BICRAL: variants seen among roughly 807,000 people sequenced by gnomAD.
BICRAL encodes BRD4-interacting chromatin-remodeling complex-associated protein-like.
BICRAL carries 8 observed loss-of-function variants against 91.8 expected under a neutral mutation model. The ratio of observed to expected loss-of-function variants is 0.09; its 90% CI spans 0.05 to 0.16. The LOEUF (loss-of-function observed/expected upper bound fraction) is 0.16, where lower values mean the gene tolerates loss of function less well. BICRAL is among the 10% of genes least tolerant of loss of function. BICRAL has a pLI of 1.00. For missense variants in BICRAL, 1,038 were observed against 1,310.9 expected, an observed-to-expected ratio of 0.79 and a Z score of 3.21; for synonymous variants, 445 against 491.1, an observed-to-expected ratio of 0.91 and a Z score of 1.24.
intron 1 of BICRAL, among the ~76,000 whole-genome samples, chr6:42,747,463 G>T (rs1342024349): frequency 6.6e-6 from 1 of 152,210 alleles, no homozygotes; most frequent in Non-Finnish European, 1.5e-5. Context: ...GGGAGGAAAC[G>T]CGAACCATTG....
intron 2 of BICRAL, among the ~76,000 whole-genome samples, chr6:42,815,366 A>G (rs1167106250): frequency 2.7e-5 from 4 of 150,610 alleles, no homozygotes; most frequent in Non-Finnish European, 5.9e-5. Flanking sequence ...AATTTTTTGT[A>G]TTTTCAGTAA....
At chr6:42,784,964 A>G (rs1327113819) in intron 1 of BICRAL, among the ~76,000 whole-genome samples, 2 of 152,132 alleles carry the variant, frequency 1.3e-5, no homozygotes, top group Admixed American at 6.6e-5. Context: ...ACTGTCTTGT[A>G]CTATGCTATG....
In BICRAL at chr6:42,857,087, A is replaced by G; in HGVS notation, c.2109-4A>G. 1.2e-6 allele frequency: 2 copies of G among 1,608,078 alleles called. No homozygotes were observed. The highest frequency in any genetic ancestry group is 1.7e-6 in the Non-Finnish European group (2 of 1,177,094). On this transcript the variant is annotated splice_polypyrimidine_tract_variant and splice_region_variant and intron_variant, in intron 9 of 12. Transcript: ENST00000314073. ...CATTGACATTGACCATTTCCCTTGT[A>G]AAGCATTCTCCAGCAGTTGCAGAGG...
chr6:42,782,847 G>A (rs905213465), intron 1 of BICRAL, among the ~76,000 whole-genome samples: 10 of 152,012 alleles, frequency 6.6e-5, no homozygotes, highest in Non-Finnish European at 1.0e-4. Context: ...CGGCGGGCGA[G>A]GAAGAAAAAT....
chr6:42,814,382 T>C (rs1411754467), intron 2 of BICRAL, among the ~76,000 whole-genome samples: 1 of 146,016 alleles, frequency 6.8e-6, no homozygotes. Flanking sequence ...TATGTATATA[T>C]ATAAATTATA....
intron 5 of BICRAL, among the ~76,000 whole-genome samples, chr6:42,825,259 C>CAAA (rs398001338): frequency 3.0e-4 from 16 of 52,756 alleles, no homozygotes; most frequent in South Asian, 1.3e-3. Context: ...GACTCTGTCT[C>CAAA]AAAAAAAAAA....
intron 1 of BICRAL, among the ~76,000 whole-genome samples, chr6:42,806,938 C>T (rs1381605431): frequency 6.6e-6 from 1 of 152,156 alleles, no homozygotes; most frequent in African/African-American, 2.4e-5. Context: ...TCAAGCAATT[C>T]TCCTGCCTCA....
intron 6 of BICRAL, among the ~76,000 whole-genome samples, chr6:42,835,721 C>G (rs1006943305): frequency 4.6e-5 from 7 of 152,014 alleles, no homozygotes; most frequent in African/African-American, 1.7e-4. Flanking sequence ...ATTGCTTGAG[C>G]TCAGGAGCTC....
At chr6:42,811,688 C>T (rs931359579) in intron 2 of BICRAL, among the ~76,000 whole-genome samples, 1 of 151,042 alleles carries the variant, frequency 6.6e-6, no homozygotes, top group South Asian at 2.1e-4. Context: ...GAGCACTGCA[C>T]TCCACTCTAC....
chr6:42,833,373 A>T (rs1242788254), intron 6 of BICRAL, among the ~76,000 whole-genome samples: 1 of 151,998 alleles, frequency 6.6e-6, no homozygotes, highest in Non-Finnish European at 1.5e-5. Flanking sequence ...AGCTCAAGCA[A>T]TCCTCCCACC....
At chr6:42,833,351 G>T (rs574806441) in intron 6 of BICRAL, among the ~76,000 whole-genome samples, 5 of 152,018 alleles carry the variant, frequency 3.3e-5, no homozygotes, top group Non-Finnish European at 7.4e-5. Flanking sequence ...CCCGGCCCAG[G>T]CTAGACTCTT....
chr6:42,806,867 G>A (rs1238376352), intron 1 of BICRAL, among the ~76,000 whole-genome samples: 1 of 150,866 alleles, frequency 6.6e-6, no homozygotes, highest in Non-Finnish European at 1.5e-5. Flanking sequence ...TTTTGCTCTT[G>A]TCATCCAGGC....
intron 5 of BICRAL, among the ~76,000 whole-genome samples, chr6:42,823,817 CG>C (rs1764213429): frequency 6.6e-6 from 1 of 151,906 alleles, no homozygotes; most frequent in South Asian, 2.1e-4. Flanking sequence ...CCCAGCTACT[CG>C]GGAGCCTGTG....
chr6:42,862,460 A>G (rs1351007755), intron 11 of BICRAL, 50 bp from the exon 12 acceptor site: 1 of 1,216,668 alleles, frequency 8.2e-7, no homozygotes, highest in East Asian at 2.3e-5. Flanking sequence ...TCCAAAAGCA[A>G]CCATTTTTTA....
At chr6:42,864,620 C>T in intron 12 of BICRAL, 39 bp from the exon 13 acceptor site, 2 of 1,556,022 alleles carry the variant, frequency 1.3e-6, no homozygotes, top group Non-Finnish European at 1.8e-6. Flanking sequence ...CTGTCCTCTC[C>T]CAATCACTCA....
chr6:42,753,135 C>T (rs1429522567), intron 1 of BICRAL, among the ~76,000 whole-genome samples: 1 of 151,950 alleles, frequency 6.6e-6, no homozygotes, highest in Admixed American at 6.6e-5. Flanking sequence ...CCATGTTGGC[C>T]AGGCTGGTCT....
At chr6:42,795,682 A>C (rs552184075) in intron 1 of BICRAL, among the ~76,000 whole-genome samples, 5 of 152,226 alleles carry the variant, frequency 3.3e-5, no homozygotes, top group Admixed American at 6.5e-5. Context: ...TATAATGTAT[A>C]TGCACCTTTA....
intron 6 of BICRAL, among the ~76,000 whole-genome samples, chr6:42,850,558 T>C (rs1437289913): frequency 6.6e-6 from 1 of 151,280 alleles, no homozygotes; most frequent in East Asian, 1.9e-4. Flanking sequence ...GAAAAGTTAC[T>C]GCACTATGAA....
intron 2 of BICRAL, among the ~76,000 whole-genome samples, chr6:42,815,087 A>G (rs942217314): frequency 1.4e-5 from 2 of 139,728 alleles, no homozygotes; most frequent in Non-Finnish European, 3.1e-5. Flanking sequence ...TTTTTTTTGT[A>G]TTTTTAGCAG....
Sources: allele counts gnomAD v4.1 joint callset (sites outside exome capture counted in the v4.1 genomes callset), GRCh38; gene constraint gnomAD v4.1.1; transcripts MANE v1.5; gene names NCBI Gene and HGNC (gene_info 2026-07-23, HGNC 2026-07-21).